Variants in RANBP17 observed in about 807,000 individuals in gnomAD.
RANBP17 encodes ran-binding protein 17.
Under a neutral mutation model 141.2 loss-of-function variants are expected in RANBP17, and 158 were observed. The ratio of observed to expected loss-of-function variants is 1.12; its 90% CI spans 0.98 to 1.28. The LOEUF is 1.28. Among genes scored for constraint, RANBP17 ranks in the 50% most tolerant of loss-of-function variants. The probability of loss-of-function intolerance (pLI) is 0.00; values close to 1 mark genes in which losing one functional copy is unlikely to be tolerated. For synonymous variants in RANBP17, 430 were observed against 450.0 expected (o/e 0.96, Z 0.56); for missense variants, 1,438 against 1,290.7 (o/e 1.11, Z -1.75).
chr5:171,203,339 T>G (rs1762405341), intron 19 of RANBP17, among the ~76,000 whole-genome samples: 1 of 152,216 alleles, frequency 6.6e-6, no homozygotes, highest in Non-Finnish European at 1.5e-5. Flanking sequence ...CTTTTTCATA[T>G]GGGGGCTGGA....
chr5:171,148,382 C>G (rs1423301130), intron 14 of RANBP17, among the ~76,000 whole-genome samples: 13 of 151,256 alleles, frequency 8.6e-5, no homozygotes, highest in Admixed American at 8.6e-4. Context: ...CAAGAATTAT[C>G]AATAAAAAAA....
chr5:170,955,221 A>G (rs1158686077), intron 13 of RANBP17, among the ~76,000 whole-genome samples: 1 of 151,992 alleles, frequency 6.6e-6, no homozygotes, highest in Admixed American at 6.6e-5. Context: ...ATGATAGTTA[A>G]CATTTGTTAG....
chr5:170,866,409 T>C (rs2127302976), intron 1 of RANBP17, among the ~76,000 whole-genome samples: 1 of 151,996 alleles, frequency 6.6e-6, no homozygotes, highest in Non-Finnish European at 1.5e-5. Flanking sequence ...GCATGGTGGC[T>C]CACGCCTGTA....
At position 170,958,016 on chromosome 5, in the gene RANBP17, A is replaced by G. The variant is rs368635290; in HGVS notation, c.1574+4314A>G. Among the ~76,000 whole-genome samples the G allele has an allele frequency of 2.6e-5, 4 of 152,202 alleles. No individual in the cohort carries two copies. The East Asian group carries it at 5.8e-4, about 22-fold the overall frequency. ...CTACAGAATATAACTACCATGAATA[A>G]TGAGAACCAACTATGTAAGGTGGTG... On this transcript the variant is annotated intron_variant, in intron 13 of 27. Transcript: ENST00000523189.
At chr5:170,908,734 TA>T (rs1473572788) in intron 5 of RANBP17, among the ~76,000 whole-genome samples, 2 of 151,910 alleles carry the variant, frequency 1.3e-5, no homozygotes, top group African/African-American at 4.8e-5. Context: ...CTACTTTGTG[TA>T]ATCATTTGGC....
chr5:171,220,284 C>T (rs976298743), intron 21 of RANBP17, among the ~76,000 whole-genome samples: 4 of 151,420 alleles, frequency 2.6e-5, no homozygotes, highest in East Asian at 3.9e-4. Context: ...GAGGGGCACC[C>T]GGCCTTATGA....
At position 170,997,199 on chromosome 5, in the gene RANBP17, G is replaced by A. The variant is rs183388721; in HGVS notation, c.1710+28822G>A. ...TTCCCCTTCGCCTTCTGCCGTGATT[G>A]TAAGTTTCTTGAGGCTTCCCCAGCC... On this transcript the variant is annotated intron_variant, in intron 14 of 27. Coordinates refer to ENST00000523189, the MANE Select transcript of RANBP17 (RefSeq NM_022897.5). 3.9e-5 allele frequency among the ~76,000 whole-genome samples: 6 copies of A among 152,274 alleles called. No homozygotes were observed. The East Asian group carries it at 1.2e-3, about 29-fold the overall frequency.
intron 24 of RANBP17, among the ~76,000 whole-genome samples, chr5:171,246,452 C>A (rs1765223005): frequency 6.6e-6 from 1 of 152,178 alleles, no homozygotes; most frequent in Non-Finnish European, 1.5e-5. Flanking sequence ...GTTTAATGAT[C>A]CTGTACTGCT....
intron 14 of RANBP17, among the ~76,000 whole-genome samples, chr5:171,030,304 G>A (rs1006886556): frequency 6.6e-6 from 1 of 151,962 alleles, no homozygotes; most frequent in Non-Finnish European, 1.5e-5. Context: ...TCATTATTTG[G>A]AACCATGTTA....
intron 14 of RANBP17, among the ~76,000 whole-genome samples, chr5:171,013,526 C>G (rs1240985040): frequency 6.6e-6 from 1 of 152,106 alleles, no homozygotes; most frequent in Non-Finnish European, 1.5e-5. Flanking sequence ...AAAAGGCTAT[C>G]CTTTCTTCCA....
intron 14 of RANBP17, among the ~76,000 whole-genome samples, chr5:170,985,062 C>T (rs1581317546): frequency 6.6e-6 from 1 of 150,414 alleles, no homozygotes; most frequent in South Asian, 2.1e-4. Context: ...CACACACAGA[C>T]ACATATACAC....
intron 22 of RANBP17, among the ~76,000 whole-genome samples, chr5:171,235,301 A>G (rs1386178990): frequency 1.3e-5 from 2 of 151,744 alleles, no homozygotes; most frequent in South Asian, 2.1e-4. Context: ...AAGTAAGGCC[A>G]AGAGAAGTTT....
chr5:171,119,425 G>T (rs1755865304), intron 14 of RANBP17, among the ~76,000 whole-genome samples: 1 of 152,024 alleles, frequency 6.6e-6, no homozygotes. Context: ...TTTTTTAATA[G>T]CTTGAGAAGA....
At chr5:171,186,521 A>ATTTTTTTTT (rs1243325206) in intron 18 of RANBP17, among the ~76,000 whole-genome samples, 15 of 29,492 alleles carry the variant, frequency 5.1e-4, no homozygotes, top group East Asian at 2.5e-3. Context: ...CACTGGTATG[A>ATTTTTTTTT]TTTTCTTTTT....
In RANBP17 at chr5:171,295,901, G is replaced by C; in HGVS notation, c.3057G>C (p.Leu1019=). Residue 1019 remains leucine (L), a synonymous_variant, in exon 27 of 28, where the codon CTG becomes CTC. Transcript: ENST00000523189. ...ILLNEKYFSE[L]RASLINSQPL... The stretch of plus-strand genomic sequence containing the variant: ...TCTCCCATCAGTATTTCAGTGAACT[G>C]AGAGCAAGTTTGATAAACAGCCAGC... 1 of 1,613,338 alleles carries C rather than the reference G, an allele frequency of 6.2e-7. No homozygotes were observed.
chr5:170,980,799 A>G (rs567491106), intron 14 of RANBP17, among the ~76,000 whole-genome samples: 2 of 152,358 alleles, frequency 1.3e-5, no homozygotes, highest in East Asian at 3.9e-4. Context: ...GCCCCCACAC[A>G]GAGTCCCTAC....
chr5:171,012,045 C>CTTT, intron 14 of RANBP17, among the ~76,000 whole-genome samples: 1 of 146,722 alleles, frequency 6.8e-6, no homozygotes. Flanking sequence ...TTTGTTTAAA[C>CTTT]AAATTATATT....
intron 14 of RANBP17, among the ~76,000 whole-genome samples, chr5:170,983,916 CT>C (rs1469471125): frequency 1.3e-5 from 2 of 152,040 alleles, no homozygotes; most frequent in African/African-American, 4.8e-5. Context: ...AAATGGGATG[CT>C]TGTTCTAGGA....
At chr5:171,241,486 A>G (rs1764875496) in intron 23 of RANBP17, among the ~76,000 whole-genome samples, 1 of 152,134 alleles carries the variant, frequency 6.6e-6, no homozygotes, top group African/African-American at 2.4e-5. Flanking sequence ...AACCTGTGTA[A>G]GAAATGCTTC....
Sources: gnomAD v4.1 joint callset for allele counts (sites outside exome capture counted in the v4.1 genomes callset) on GRCh38, gnomAD v4.1.1 for gene constraint, MANE v1.5 for transcripts, NCBI Gene and HGNC (gene_info 2026-07-23, HGNC 2026-07-21) for gene names.